GRP: variants seen among roughly 807,000 people sequenced by gnomAD.
GRP encodes gastrin releasing peptide, also known as gastrin-releasing peptide.
A neutral mutation model predicts 12.7 loss-of-function variants in GRP; 11 were observed. The observed-to-expected ratio is 0.87, with a 90% confidence interval of 0.55 to 1.44. The LOEUF is 1.44. Among genes scored for constraint, GRP ranks in the 40% most tolerant of loss-of-function variants. GRP has a pLI of 0.00. For synonymous variants in GRP, 84 were observed against 77.7 expected (o/e 1.08, Z -0.43); for missense variants, 212 against 185.4 (o/e 1.14, Z -0.83).
In GRP at chr18:59,220,163, T is replaced by C. The variant is rs949712587; in HGVS notation, c.-103T>C. On this transcript the variant is annotated 5_prime_UTR_variant, in exon 1 of 3. Transcript: ENST00000256857. ...GGGGCCCTAGTGGAGGCCGCAGCAG[T>C]AGCACCAGCGGCTGCGGCGGCGGAG... is the stretch of plus-strand genomic sequence containing the variant. 1.6e-5 allele frequency: 11 copies of C among 691,092 alleles called. No homozygotes were observed. The African/African-American group carries it at 1.8e-4, about 11-fold the overall frequency. 42.8% of individuals were successfully genotyped at this position (691,092 alleles called of 1,614,324 possible).
At chr18:59,224,894 G>A (rs1298232935) in intron 1 of GRP, among the ~76,000 whole-genome samples, 1 of 152,136 alleles carries the variant, frequency 6.6e-6, no homozygotes, top group Non-Finnish European at 1.5e-5. Flanking sequence ...GTAAATCTGG[G>A]TAGTTTTCTC....
At chr18:59,228,852 A>G (rs531554995) in intron 2 of GRP, among the ~76,000 whole-genome samples, 4 of 152,272 alleles carry the variant, frequency 2.6e-5, no homozygotes, top group Admixed American at 6.5e-5. Flanking sequence ...CTGGGTTTCA[A>G]TGGAGGTTTT....
intron 1 of GRP, among the ~76,000 whole-genome samples, chr18:59,222,923 C>G (rs193225107): frequency 4.6e-5 from 7 of 152,198 alleles, no homozygotes; most frequent in African/African-American, 1.7e-4. Flanking sequence ...ATGCTCCTAA[C>G]TGTGGTTCTA....
rs2069906565 is a variant in GRP at position 59,225,637 on chromosome 18, C to T, written c.285C>T (p.Asn95=). The T allele has an allele frequency of 1.9e-6, 3 of 1,614,114 alleles. No homozygotes were observed. Among genetic ancestry groups the T allele is most frequent in the Non-Finnish European group, 2.5e-6 (3 of 1,179,992 alleles). The change falls in exon 2 of 3, where the codon AAC becomes AAT. Residue 95 remains asparagine, a synonymous_variant. Coordinates refer to ENST00000256857, the MANE Select transcript of GRP (RefSeq NM_002091.5). ...TCATAGAAGCAAAGGAGAACAGAAA[C>T]CACCAGCCACCTCAACCCAAGGCCC... ...LGLIEAKENR[N]HQPPQPKALG...
chr18:59,230,608 C>T lies in GRP; in HGVS notation c.*140C>T, dbSNP rs985449129. On this transcript the variant is annotated 3_prime_UTR_variant, in exon 3 of 3. Transcript: ENST00000256857. ...TGTATCTTTCATCCTTGACTAAATT[C>T]GTGATTTTCAAGCAGCATCTTCTGG... 5 of 599,652 alleles carry T rather than the reference C, an allele frequency of 8.3e-6. No homozygotes were observed. The highest frequency in any genetic ancestry group is 5.5e-5 in the East Asian group (2 of 36,386). The allele number at this position is 599,652 out of a possible 1,614,324, so 37.1% of individuals were successfully genotyped here. A position where few individuals can be genotyped will look rare whatever the true frequency, so the allele number is the denominator to read the frequency against.
intron 2 of GRP, among the ~76,000 whole-genome samples, chr18:59,229,237 C>T (rs1376170155): frequency 1.3e-5 from 2 of 152,216 alleles, no homozygotes; most frequent in Non-Finnish European, 2.9e-5. Flanking sequence ...CAACAATGGA[C>T]CCTGCCCATT....
chr18:59,227,380 A>G (rs1325013396), intron 2 of GRP, among the ~76,000 whole-genome samples: 1 of 152,196 alleles, frequency 6.6e-6, no homozygotes. Flanking sequence ...TACCTGTGTC[A>G]TAGGTGTTAT....
chr18:59,230,383 CTCTT>C lies in GRP; in HGVS notation c.383-17_383-14del, dbSNP rs780233303. The C allele has an allele frequency of 7.2e-7, 1 of 1,394,806 alleles. No individual in the cohort carries two copies. The highest frequency in any genetic ancestry group is 1.0e-6 in the Non-Finnish European group (1 of 979,762). 86.4% of individuals were successfully genotyped at this position (1,394,806 alleles called of 1,614,324 possible). On this transcript the variant is annotated splice_polypyrimidine_tract_variant and intron_variant, in intron 2 of 2. Transcript: ENST00000256857. ...ACTTCAGCTCACTCTGTTTGCTGAA[CTCTT>C]TCTAATATTTCTTAAGTTGGTAGAC... is the stretch of plus-strand genomic sequence containing the variant.
chr18:59,229,240 T>C (rs1363429837), intron 2 of GRP, among the ~76,000 whole-genome samples: 1 of 152,178 alleles, frequency 6.6e-6, no homozygotes. Flanking sequence ...CAATGGACCC[T>C]GCCCATTGCC....
At chr18:59,224,267 A>G (rs1479638677) in intron 1 of GRP, among the ~76,000 whole-genome samples, 1 of 152,216 alleles carries the variant, frequency 6.6e-6, no homozygotes, top group Non-Finnish European at 1.5e-5. Flanking sequence ...CAATTAGCAT[A>G]TGGATCAAAT....
Position 59,230,583 on chromosome 18 carries a change from T to C in GRP, c.*115T>C. The C allele has an allele frequency of 1.5e-6, 1 of 687,956 alleles. No homozygotes were observed. The highest frequency in any genetic ancestry group is 2.7e-6 in the Non-Finnish European group (1 of 374,610). The allele number at this position is 687,956 out of a possible 1,614,324, so 42.6% of individuals were successfully genotyped here. A position where few individuals can be genotyped will look rare whatever the true frequency, so the allele number is the denominator to read the frequency against. On this transcript the variant is annotated 3_prime_UTR_variant, in exon 3 of 3. Transcript: ENST00000256857. ...CCTTGTGCAAAATATTTGACTATTC[T>C]GTATCTTTCATCCTTGACTAAATTC...
At chr18:59,220,114 C>G (rs966882482), upstream of GRP, 12 of 367,546 alleles carry the variant, frequency 3.3e-5, 1 homozygote, top group Non-Finnish European at 4.8e-5. Context: ...CCCAGCCCCC[C>G]CGCCCGGGCT....
At chr18:59,223,800 G>A (rs1366307540) in intron 1 of GRP, among the ~76,000 whole-genome samples, 10 of 152,278 alleles carry the variant, frequency 6.6e-5, no homozygotes, top group Non-Finnish European at 1.5e-4. Context: ...CTGAATGCAA[G>A]GTTATTGAGT....
upstream of GRP, among the ~76,000 whole-genome samples, chr18:59,219,770 C>G (rs1185652542): frequency 1.3e-5 from 2 of 152,102 alleles, no homozygotes; most frequent in South Asian, 2.1e-4. Context: ...AGAGCTCACC[C>G]GTCTCCAGCT....
intron 1 of GRP, among the ~76,000 whole-genome samples, chr18:59,220,720 G>A (rs188733094): frequency 3.9e-5 from 6 of 152,028 alleles, no homozygotes; most frequent in Non-Finnish European, 7.4e-5. Flanking sequence ...TTCCCTCTGC[G>A]CCCATCCTAC....
In GRP at chr18:59,227,024, T is replaced by TCTTTCTTTCTTTCTTTCTTCCTTC. The variant is rs1555663431; in HGVS notation, c.382+1309_382+1310insCCTTCCTTTCTTTCTTTCTTTCTT. Among the ~76,000 whole-genome samples the TCTTTCTTTCTTTCTTTCTTCCTTC allele has an allele frequency of 6.5e-4, 95 of 145,308 alleles. No individual in the cohort carries two copies. In the East Asian group the frequency reaches 7.6e-3, roughly 12 times the overall value. ...TTCTTTCTTTCTTTCTTTCTTTCTTTCTTTCTTTCTTTCTTTCTTTCTTTC... is the reference window on the plus strand; with the variant it reads ...TTCTTTCTTTCTTTCTTTCTTTCTTTCTTTCTTTCTTTCTTTCTTCCTTCCTTTCTTTCTTTCTTTCTTTCTTTC... On this transcript the variant is annotated intron_variant, in intron 2 of 2. Transcript: ENST00000256857.
chr18:59,219,363 C>A (rs1373467837), upstream of GRP, among the ~76,000 whole-genome samples: 1 of 147,764 alleles, frequency 6.8e-6, no homozygotes, highest in Non-Finnish European at 1.5e-5. Context: ...CTGCCCTTAA[C>A]CTTAAGGTGG....
At position 59,225,519 on chromosome 18, in the gene GRP, G is replaced by A. The variant is rs1363352766; in HGVS notation, c.167G>A (p.Gly56Glu). The change falls in exon 2 of 3, where the codon GGG (glycine) becomes GAG (glutamate). Residue 56 changes from glycine to glutamate, a missense_variant. By Grantham distance (98) the Gly-to-Glu change is moderately conservative. Transcript: ENST00000256857. ...VGHLMGKKST[G>E]ESSSVSERGS... ...CACTTAATGGGGAAAAAGAGCACAG[G>A]GGAGTCTTCTTCTGTTTCTGAGAGA... is the stretch of plus-strand genomic sequence containing the variant. The A allele has an allele frequency of 1.9e-6, 3 of 1,613,230 alleles. No homozygotes were observed. The highest frequency in any genetic ancestry group is 1.7e-5 in the Admixed American group (1 of 59,982).
upstream of GRP, among the ~76,000 whole-genome samples, chr18:59,219,798 CG>C (rs1250693366): frequency 6.6e-6 from 1 of 152,106 alleles, no homozygotes; most frequent in Non-Finnish European, 1.5e-5. Context: ...CCACCCCTCC[CG>C]GCCCAGATCA....
Sources: gnomAD v4.1 joint callset for allele counts (sites outside exome capture counted in the v4.1 genomes callset) on GRCh38, gnomAD v4.1.1 for gene constraint, MANE v1.5 for transcripts, NCBI Gene and HGNC (gene_info 2026-07-23, HGNC 2026-07-21) for gene names.